CFHR5: variants seen among roughly 807,000 people sequenced by gnomAD.
The protein encoded by CFHR5 is complement factor H related 5, also known as complement factor H-related protein 5.
A neutral mutation model predicts 62.9 loss-of-function variants in CFHR5; 73 were observed. The observed-to-expected ratio is 1.16, with a 90% confidence interval of 0.96 to 1.41. The LOEUF (loss-of-function observed/expected upper bound fraction) is 1.41, where lower values mean the gene tolerates loss of function less well. Among genes scored for constraint, CFHR5 ranks in the 40% most tolerant of loss-of-function variants. CFHR5 has a pLI of 0.00. For missense variants in CFHR5, 779 were observed against 679.9 expected, an observed-to-expected ratio of 1.15 and a Z score of -1.62; for synonymous variants, 249 against 227.2, an observed-to-expected ratio of 1.10 and a Z score of -0.86.
chr1:197,004,076 A>G (rs993416952), intron 8 of CFHR5, among the ~76,000 whole-genome samples: 1 of 152,184 alleles, frequency 6.6e-6, no homozygotes, highest in African/African-American at 2.4e-5. Context: ...ATATAAAGGG[A>G]GATCAGTCAG....
chr1:196,987,303 C>T (rs1653718010), intron 3 of CFHR5, among the ~76,000 whole-genome samples: 1 of 151,982 alleles, frequency 6.6e-6, no homozygotes, highest in Admixed American at 6.5e-5. Context: ...TTCTCCCATT[C>T]TGTACGTTGC....
In CFHR5 at chr1:197,004,819, T is replaced by G; in HGVS notation, c.1489T>G (p.Trp497Gly). 1 of 1,613,496 alleles carries G rather than the reference T, an allele frequency of 6.2e-7. No homozygotes were observed. The highest frequency in any genetic ancestry group is 1.1e-5 in the South Asian group (1 of 91,062). ...SVTVTCRNKQ[W>G]SEPPRCLDPC... ...AACTGTAACATGCAGAAATAAACAG[T>G]GGTCAGAACCACCAAGATGCCTAGG... The change falls in exon 9 of 10, where the codon TGG (tryptophan) becomes GGG (glycine). Residue 497 changes from tryptophan to glycine, a missense_variant. Coordinates refer to ENST00000256785, the MANE Select transcript of CFHR5 (RefSeq NM_030787.4).
chr1:197,003,870 G>A (rs1294971526), intron 8 of CFHR5, among the ~76,000 whole-genome samples: 1 of 152,118 alleles, frequency 6.6e-6, no homozygotes, highest in African/African-American at 2.4e-5. Context: ...AGTGGAAAGG[G>A]AGACATTGAT....
At chr1:196,987,947 A>C (rs978801687) in intron 3 of CFHR5, among the ~76,000 whole-genome samples, 7 of 152,056 alleles carry the variant, frequency 4.6e-5, no homozygotes, top group African/African-American at 1.7e-4. Flanking sequence ...TGACTCTATA[A>C]ATTACCTTGG....
At chr1:196,980,576 A>G (rs1460300032) in intron 1 of CFHR5, among the ~76,000 whole-genome samples, 1 of 143,408 alleles carries the variant, frequency 7.0e-6, no homozygotes, top group Non-Finnish European at 1.5e-5. Flanking sequence ...AAATGACTGT[A>G]TGTCTGTATA....
chr1:197,006,604 C>T (rs902640444), intron 9 of CFHR5, among the ~76,000 whole-genome samples: 8 of 151,052 alleles, frequency 5.3e-5, no homozygotes, highest in Non-Finnish European at 7.4e-5. Context: ...CTCAGCTACT[C>T]GGGAGGCTGA....
intron 4 of CFHR5, among the ~76,000 whole-genome samples, chr1:196,994,539 A>G (rs1055000229): frequency 6.6e-6 from 1 of 152,194 alleles, no homozygotes; most frequent in Non-Finnish European, 1.5e-5. Context: ...CTAGCTCAAT[A>G]AAAAATTTAT....
chr1:196,989,941 C>A (rs900317338), intron 3 of CFHR5, among the ~76,000 whole-genome samples: 9 of 152,088 alleles, frequency 5.9e-5, no homozygotes, highest in Non-Finnish European at 1.3e-4. Context: ...CCTTTTGTCT[C>A]ATTAATCTGT....
upstream of CFHR5, among the ~76,000 whole-genome samples, chr1:196,977,131 C>T (rs933981195): frequency 2.0e-5 from 3 of 152,012 alleles, no homozygotes; most frequent in African/African-American, 4.8e-5. Context: ...TTGATTAGAC[C>T]TTTTATAGTT....
chr1:196,990,458 C>G (rs60385756), intron 3 of CFHR5, among the ~76,000 whole-genome samples: 1 of 152,236 alleles, frequency 6.6e-6, no homozygotes, highest in African/African-American at 2.4e-5. Context: ...GCAGTTTCTA[C>G]CTAGCATAGA....
Position 196,994,234 on chromosome 1 carries a change from A to C in CFHR5, c.585A>C (p.Ser195=). The change falls in exon 4 of 10, where the codon TCA becomes TCC. Residue 195 remains serine, a synonymous_variant. Coordinates refer to ENST00000256785, the MANE Select transcript of CFHR5 (RefSeq NM_030787.4). ...DSVQCYQFGW[S]PNFPTCKGQV... is the part of the protein sequence containing the mutation. ...TTCAATGTTACCAATTTGGGTGGTC[A>C]CCTAACTTTCCAACATGCAAAGGTC... The C allele has an allele frequency of 1.2e-6, 2 of 1,613,572 alleles. No homozygotes were observed. The highest frequency in any genetic ancestry group is 1.7e-6 in the Non-Finnish European group (2 of 1,179,662).
Position 197,003,571 on chromosome 1 carries a change from G to T in CFHR5, c.1330+907G>T, listed in dbSNP as rs563038865. On this transcript the variant is annotated intron_variant, in intron 8 of 9. Coordinates refer to ENST00000256785, the MANE Select transcript of CFHR5 (RefSeq NM_030787.4). ...GACAAAACATCAGATATGGCAAAGA[G>T]TGCTTAGAGCTGGACAAGATGCCTG... 2.6e-5 allele frequency among the ~76,000 whole-genome samples: 4 copies of T among 152,294 alleles called. No homozygotes were observed. The South Asian group carries it at 8.3e-4, about 32-fold the overall frequency.
chr1:196,980,839 A>G (rs1324406342), intron 1 of CFHR5, among the ~76,000 whole-genome samples: 1 of 152,130 alleles, frequency 6.6e-6, no homozygotes, highest in Non-Finnish European at 1.5e-5. Context: ...GATGGTGAGA[A>G]CTAAGTTATT....
rs373865739 is a variant in CFHR5 at position 197,004,715 on chromosome 1, C to T, written c.1385C>T (p.Ser462Leu). 44 of 1,613,384 alleles carry T rather than the reference C, an allele frequency of 2.7e-5. No homozygotes were observed. The highest frequency in any genetic ancestry group is 1.0e-4 in the Admixed American group (6 of 59,986). The change falls in exon 9 of 10, where the codon TCA becomes TTA. Residue 462 changes from serine to leucine, a missense_variant. Physicochemically the swap from Ser to Leu is moderately radical, Grantham distance 145. Transcript: ENST00000256785. ...PPSINNGDTT[S>L]FPLSVYPPGS... Reference sequence around the variant, plus strand: ...TCTATTAACAATGGAGATACCACCTCATTCCCATTATCAGTATATCCTCCA... The same window carrying T: ...TCTATTAACAATGGAGATACCACCTTATTCCCATTATCAGTATATCCTCCA...
intron 9 of CFHR5, among the ~76,000 whole-genome samples, chr1:197,005,880 C>T (rs1654273143): frequency 6.6e-6 from 1 of 152,164 alleles, no homozygotes; most frequent in African/African-American, 2.4e-5. Context: ...AACCACTACT[C>T]TGTGTGAGCC....
At chr1:196,981,794 C>T (rs146038230) in intron 1 of CFHR5, among the ~76,000 whole-genome samples, 1 of 151,814 alleles carries the variant, frequency 6.6e-6, no homozygotes, top group Admixed American at 6.6e-5. Context: ...TTTAAATCAT[C>T]TCTAGATTAT....
intron 3 of CFHR5, among the ~76,000 whole-genome samples, chr1:196,985,878 G>A (rs1653670615): frequency 6.6e-6 from 1 of 152,296 alleles, no homozygotes; most frequent in Non-Finnish European, 1.5e-5. Context: ...CATTTAGTGG[G>A]CAATGACATT....
At chr1:196,983,134 GT>G in intron 2 of CFHR5, 55 bp downstream of exon 2, 1 of 1,608,934 alleles carries the variant, frequency 6.2e-7, no homozygotes, top group Non-Finnish European at 8.5e-7. Flanking sequence ...AGAGAAGGAT[GT>G]GCCGGACAAG....
Position 197,008,769 on chromosome 1 carries a change from CT to C in CFHR5, c.*90del. On this transcript the variant is annotated 3_prime_UTR_variant, in exon 10 of 10. Transcript: ENST00000256785. The stretch of plus-strand genomic sequence containing the variant: ...TATGTAGCCAATTCTGTAGTTACTT[CT>C]TTTATTCTTTCAGGTGTTGTTTAAC... The C allele has an allele frequency of 9.2e-7, 1 of 1,082,068 alleles. No homozygotes were observed. The highest frequency in any genetic ancestry group is 1.4e-6 in the Non-Finnish European group (1 of 706,280). 67.0% of individuals were successfully genotyped at this position (1,082,068 alleles called of 1,614,324 possible). A position where few individuals can be genotyped will look rare whatever the true frequency, so the allele number is the denominator to read the frequency against.
Sources: gnomAD v4.1 joint callset for allele counts (sites outside exome capture counted in the v4.1 genomes callset) on GRCh38, gnomAD v4.1.1 for gene constraint, MANE v1.5 for transcripts, NCBI Gene and HGNC (gene_info 2026-07-23, HGNC 2026-07-21) for gene names.